The following SLF1 variants were observed in gnomAD, a reference collection of about 807,000 sequenced individuals.
SLF1 encodes the protein SMC5/6 complex localization factor 1.
A neutral mutation model predicts 123.0 loss-of-function variants in SLF1; 105 were observed. That is an observed-to-expected ratio of 0.85 (90% CI 0.73 to 1.00). The LOEUF (loss-of-function observed/expected upper bound fraction) is 1.00. Ranked by LOEUF, SLF1 falls within the 50% of genes least tolerant of loss-of-function variation. The pLI is 0.00. For synonymous variants in SLF1, 434 were observed against 406.6 expected (o/e 1.07, Z -0.81); for missense variants, 1,239 against 1,223.0 (o/e 1.01, Z -0.20).
intron 16 of SLF1, among the ~76,000 whole-genome samples, chr5:94,687,537 A>G (rs1752579238): frequency 6.6e-6 from 1 of 152,178 alleles, no homozygotes; most frequent in Non-Finnish European, 1.5e-5. Flanking sequence ...TCTCTAAAAA[A>G]AAGTTAAATT....
Position 94,654,551 on chromosome 5 carries a change from T to C in SLF1, c.1033-79T>C, listed in dbSNP as rs1748150168. ...ACATGGTATGAATGTGTTCCTCTTA[T>C]ATTGTCCTTTGTGATATCATCTGTG... On this transcript the variant is annotated intron_variant, in intron 8 of 20. Coordinates refer to ENST00000265140, the MANE Select transcript of SLF1 (RefSeq NM_032290.4). The C allele has an allele frequency of 3.4e-6, 4 of 1,168,826 alleles. No individual in the cohort carries two copies. The Admixed American group carries it at 1.2e-4, about 36-fold the overall frequency. 72.4% of individuals were successfully genotyped at this position (1,168,826 alleles called of 1,614,324 possible).
chr5:94,623,441 A>G (rs1343709964), intron 1 of SLF1, among the ~76,000 whole-genome samples: 2 of 152,168 alleles, frequency 1.3e-5, no homozygotes, highest in East Asian at 1.9e-4. Context: ...TTGACAGTAA[A>G]AATAAAACTT....
chr5:94,629,052 T>G (rs1008651949), intron 2 of SLF1, 40 bp from the exon 3 acceptor site: 21 of 1,496,032 alleles, frequency 1.4e-5, no homozygotes, highest in Admixed American at 2.2e-5. Context: ...AAGGGAGTCT[T>G]ACTTTAGTAA....
intron 14 of SLF1, among the ~76,000 whole-genome samples, chr5:94,674,774 C>T (rs968972845): frequency 2.0e-5 from 3 of 152,144 alleles, no homozygotes; most frequent in Non-Finnish European, 2.9e-5. Flanking sequence ...TTGGGCTTTC[C>T]TTGGCAAAGA....
intron 15 of SLF1, among the ~76,000 whole-genome samples, chr5:94,684,723 A>AAG (rs1585228738): frequency 7.1e-6 from 1 of 140,010 alleles, no homozygotes; most frequent in East Asian, 2.1e-4. Flanking sequence ...AAAAAAAAAA[A>AAG]GTATCTCTGT....
At chr5:94,640,610 T>C (rs1746335453) in intron 4 of SLF1, among the ~76,000 whole-genome samples, 3 of 152,316 alleles carry the variant, frequency 2.0e-5, no homozygotes, top group South Asian at 4.1e-4. Flanking sequence ...TGGAACTCCA[T>C]TGCATGCCTT....
chr5:94,696,869 T>C lies in SLF1; in HGVS notation c.*1557T>C, dbSNP rs1224498446. On this transcript the variant is annotated 3_prime_UTR_variant, in exon 21 of 21. Coordinates refer to ENST00000265140, the MANE Select transcript of SLF1 (RefSeq NM_032290.4). ...TTGTCATGATAGAATTGTTAGCATA[T>C]CACATCATATGACACTTAATAAATA... 2.0e-5 allele frequency: 3 copies of C among 151,858 alleles called. No individual in the cohort carries two copies. The highest frequency in any genetic ancestry group is 4.4e-5 in the Non-Finnish European group (3 of 67,874). 9.4% of individuals were successfully genotyped at this position (151,858 alleles called of 1,614,324 possible).
intron 7 of SLF1, 67 bp downstream of exon 7, chr5:94,651,912 T>C (rs1747769148): frequency 2.5e-6 from 2 of 816,028 alleles, no homozygotes; most frequent in Non-Finnish European, 3.3e-6. Flanking sequence ...CAGTTTTCTT[T>C]AGCTTTTAAA....
intron 1 of SLF1, among the ~76,000 whole-genome samples, chr5:94,619,331 ACTGCTATAGGC>A (rs1791407661): frequency 6.6e-6 from 1 of 151,840 alleles, no homozygotes; most frequent in African/African-American, 2.4e-5. Flanking sequence ...CCTATCTCTG[ACTGCTATAGGC>A]CTTTAAACAC....
Position 94,689,624 on chromosome 5 carries a change from A to G in SLF1, c.2419+18A>G, listed in dbSNP as rs1400133309. 2 of 1,593,682 alleles carry G rather than the reference A, an allele frequency of 1.3e-6. No homozygotes were observed. The highest frequency in any genetic ancestry group is 2.7e-5 in the African/African-American group (2 of 73,964). On this transcript the variant is annotated intron_variant, in intron 18 of 20. Coordinates refer to ENST00000265140, the MANE Select transcript of SLF1 (RefSeq NM_032290.4). ...TCTAAAAGGTATTCCAAGTATTTAA[A>G]TTAATTTATGCTAAGAACTTTTCAT...
At position 94,692,052 on chromosome 5, in the gene SLF1, C is replaced by G. The variant is rs771011083; in HGVS notation, c.2513-22C>G. 2.5e-6 allele frequency: 4 copies of G among 1,610,200 alleles called. No individual in the cohort carries two copies. The South Asian group carries it at 4.4e-5, about 18-fold the overall frequency. On this transcript the variant is annotated intron_variant, in intron 19 of 20. Coordinates refer to ENST00000265140, the MANE Select transcript of SLF1 (RefSeq NM_032290.4). ...AAGTCCTACTTCTGCTGTTTTAAAA[C>G]TTGCCTTGATTTCTAATTTAGACAA...
At chr5:94,648,983 ATTG>A (rs894931521) in intron 5 of SLF1, among the ~76,000 whole-genome samples, 7 of 152,176 alleles carry the variant, frequency 4.6e-5, no homozygotes, top group African/African-American at 1.7e-4. Flanking sequence ...CATTAAGATA[ATTG>A]TTGTTTATTG....
Position 94,694,913 on chromosome 5 carries a change from G to T in SLF1, c.2778G>T (p.Leu926=), listed in dbSNP as rs779909504. Residue 926 remains leucine (L), a synonymous_variant, in exon 21 of 21, where the codon CTG becomes CTT. Transcript: ENST00000265140. The part of the protein sequence containing the change: ...YVVSPQIKEE[L]FAITKIEDTV... ...TTTCACCTCAAATCAAAGAAGAACTGTTTGCTATTACAAAAATAGAAGATA... is the reference window on the plus strand; with the variant it reads ...TTTCACCTCAAATCAAAGAAGAACTTTTTGCTATTACAAAAATAGAAGATA... The T allele has an allele frequency of 6.2e-7, 1 of 1,611,812 alleles. No homozygotes were observed. Among genetic ancestry groups the T allele is most frequent in the South Asian group, 1.1e-5 (1 of 90,782 alleles).
At chr5:94,686,466 T>C in intron 15 of SLF1, 107 bp from the exon 16 acceptor site, 1 of 1,195,672 alleles carries the variant, frequency 8.4e-7, no homozygotes, top group East Asian at 2.4e-5. Flanking sequence ...ATCTTATAGG[T>C]GTAAGAGCTC....
At chr5:94,623,941 C>T (rs1792014291) in intron 1 of SLF1, among the ~76,000 whole-genome samples, 1 of 152,098 alleles carries the variant, frequency 6.6e-6, no homozygotes, top group Non-Finnish European at 1.5e-5. Flanking sequence ...TCCTGTAATA[C>T]AGGTCATTCA....
At position 94,641,209 on chromosome 5, in the gene SLF1, T is replaced by C. The variant is rs972558980; in HGVS notation, c.432-2064T>C. On this transcript the variant is annotated intron_variant, in intron 4 of 20. Transcript: ENST00000265140. ...CGCCCCACCCCCCCACAAAAACTCA[T>C]GTTGAAATTTAATTGCCATTGTGAA... Among the ~76,000 whole-genome samples the C allele has an allele frequency of 2.8e-5, 3 of 107,096 alleles. No individual in the cohort carries two copies. The Admixed American group carries it at 4.4e-4, about 16-fold the overall frequency. 70.3% of individuals were successfully genotyped at this position (107,096 alleles called of 152,430 possible). A position where few individuals can be genotyped will look rare whatever the true frequency, so the allele number is the denominator to read the frequency against.
intron 1 of SLF1, among the ~76,000 whole-genome samples, chr5:94,619,778 G>A (rs867565325): frequency 2.0e-5 from 3 of 152,176 alleles, no homozygotes; most frequent in Non-Finnish European, 4.4e-5. Context: ...TGGAAAGTTT[G>A]ATTACGTATA....
chr5:94,695,487 G>C lies in SLF1; in HGVS notation c.*175G>C. The C allele has an allele frequency of 1.6e-6, 1 of 617,432 alleles. No individual in the cohort carries two copies. Among genetic ancestry groups the C allele is most frequent in the Non-Finnish European group, 2.4e-6 (1 of 411,684 alleles). 38.2% of individuals were successfully genotyped at this position (617,432 alleles called of 1,614,324 possible). ...AAACTTCTACAAAACTCTAGTATGGGCTTCTGACTTTTTCCAGGGTGTAGA... is the reference window on the plus strand; with the variant it reads ...AAACTTCTACAAAACTCTAGTATGGCCTTCTGACTTTTTCCAGGGTGTAGA... On this transcript the variant is annotated 3_prime_UTR_variant, in exon 21 of 21. Coordinates refer to ENST00000265140, the MANE Select transcript of SLF1 (RefSeq NM_032290.4).
chr5:94,651,732 G>T lies in SLF1; in HGVS notation c.769G>T (p.Val257Phe), dbSNP rs1332641913. The T allele has an allele frequency of 6.6e-7, 1 of 1,520,590 alleles. No individual in the cohort carries two copies. The highest frequency in any genetic ancestry group is 8.8e-7 in the Non-Finnish European group (1 of 1,135,466). 94.2% of individuals were successfully genotyped at this position (1,520,590 alleles called of 1,614,324 possible). The change falls in exon 7 of 21, where the codon GTT (valine) becomes TTT (phenylalanine). Residue 257 changes from valine to phenylalanine, a missense_variant. Val to Phe is a conservative substitution (Grantham distance 50). Transcript: ENST00000265140. ...KEMQNHEDVNVGSILIQHHKK... is the reference protein window; with the variant it reads ...KEMQNHEDVNFGSILIQHHKK... The stretch of plus-strand genomic sequence containing the variant: ...AATGCAAAATCATGAAGATGTTAAT[G>T]TTGGTTCTATTTTGATTCAACATCA...
Sources: allele counts gnomAD v4.1 joint callset (sites outside exome capture counted in the v4.1 genomes callset), GRCh38; gene constraint gnomAD v4.1.1; transcripts MANE v1.5; gene names NCBI Gene and HGNC (gene_info 2026-07-23, HGNC 2026-07-21).